The following VPS8 variants were observed in gnomAD, a reference collection of about 807,000 sequenced individuals.
The protein encoded by VPS8 is VPS8 subunit of CORVET complex.
VPS8 carries 129 observed loss-of-function variants against 216.4 expected under a neutral mutation model. That is an observed-to-expected ratio of 0.60 (90% CI 0.52 to 0.69). VPS8 has a LOEUF of 0.69. Among genes scored for constraint, VPS8 ranks in the 30% least tolerant of loss-of-function variants. The probability of loss-of-function intolerance (pLI) is 0.00; values close to 1 mark genes in which losing one functional copy is unlikely to be tolerated. For synonymous variants in VPS8, 571 were observed against 565.4 expected, an observed-to-expected ratio of 1.01 and a Z score of -0.14; for missense variants, 1,531 against 1,683.5, an observed-to-expected ratio of 0.91 and a Z score of 1.59.
At chr3:184,868,828 A>G (rs1384533890) in intron 18 of VPS8, 118 bp from the exon 19 acceptor site, 1 of 744,878 alleles carries the variant, frequency 1.3e-6, no homozygotes, top group African/African-American at 1.8e-5. Context: ...TCACATAATT[A>G]TTAAAATAAT....
chr3:184,848,332 A>T (rs749489334), intron 8 of VPS8, among the ~76,000 whole-genome samples: 6 of 152,316 alleles, frequency 3.9e-5, no homozygotes, highest in Non-Finnish European at 8.8e-5. Context: ...ATATAAATGT[A>T]AATTTCAGCC....
intron 47 of VPS8, among the ~76,000 whole-genome samples, chr3:185,050,211 G>A (rs11918440): frequency 0.48 from 72,136 of 150,300 alleles, 17,536 homozygotes; most frequent in East Asian, 0.67. Context: ...GGCTCATTCT[G>A]TTCAAGGCAT....
At chr3:184,964,242 T>A (rs1747012827) in intron 37 of VPS8, among the ~76,000 whole-genome samples, 1 of 152,058 alleles carries the variant, frequency 6.6e-6, no homozygotes, top group South Asian at 2.1e-4. Flanking sequence ...AACATTTTTT[T>A]AAAATAAATA....
At chr3:185,028,948 A>G (rs1757749517) in intron 46 of VPS8, among the ~76,000 whole-genome samples, 1 of 152,216 alleles carries the variant, frequency 6.6e-6, no homozygotes, top group Non-Finnish European at 1.5e-5. Context: ...GTGGTTTATG[A>G]GAAGTGAGGG....
intron 37 of VPS8, 80 bp downstream of exon 37, chr3:184,957,601 A>G: frequency 7.0e-7 from 1 of 1,419,866 alleles, no homozygotes; most frequent in Non-Finnish European, 9.4e-7. Context: ...AGACAAGGGG[A>G]AAAAATATAT....
chr3:184,827,482 C>CT lies in VPS8; in HGVS notation c.222+1254dup, dbSNP rs544097068. 1.1e-4 allele frequency among the ~76,000 whole-genome samples: 16 copies of CT among 152,278 alleles called. No homozygotes were observed. The East Asian group carries it at 3.1e-3, about 29-fold the overall frequency. Reference sequence around the variant, plus strand: ...ATTTACTTTCTAATATAGAGGAAATCTTTCATTTAGAGGTGAGAAGATTAA... The same window carrying CT: ...ATTTACTTTCTAATATAGAGGAAATCTTTTCATTTAGAGGTGAGAAGATTAA... On this transcript the variant is annotated intron_variant, in intron 3 of 47. Coordinates refer to ENST00000625842, the MANE Select transcript of VPS8 (RefSeq NM_001009921.3).
chr3:185,038,790 C>G (rs11926671), intron 46 of VPS8, among the ~76,000 whole-genome samples: 14,835 of 152,188 alleles, frequency 0.097, 1,716 homozygotes, highest in African/African-American at 0.28. Context: ...GTTGGAAGCA[C>G]GGAGGGGCAG....
intron 34 of VPS8, among the ~76,000 whole-genome samples, chr3:184,932,575 TCA>T (rs1427701278): frequency 6.6e-6 from 1 of 152,322 alleles, no homozygotes. Flanking sequence ...TCTTTTCTGA[TCA>T]CAGTTCTTTC....
chr3:185,048,606 T>G, intron 47 of VPS8, 47 bp downstream of exon 47: 2 of 1,601,786 alleles, frequency 1.2e-6, no homozygotes, highest in East Asian at 4.5e-5. Flanking sequence ...TATTTATAGT[T>G]TACTGCTTTA....
rs1469583578 is a variant in VPS8, at chr3:184,841,790, C to T, written c.536-1450C>T. On this transcript the variant is annotated intron_variant, in intron 7 of 47. Coordinates refer to ENST00000625842, the MANE Select transcript of VPS8 (RefSeq NM_001009921.3). ...TCCCCTTATTTTACATCTGAGGCTG[C>T]TGAGGATCAGAGAGGTTAAGTGAGA... Among the ~76,000 whole-genome samples, 4 of 152,122 alleles carry T rather than the reference C, an allele frequency of 2.6e-5. No individual in the cohort carries two copies. In the East Asian group the frequency reaches 7.7e-4, roughly 29 times the overall value.
At position 184,860,065 on chromosome 3, in the gene VPS8, C is replaced by T. The variant is rs752876248; in HGVS notation, c.1224C>T (p.Thr408=). ...TATACTATGACCTCATCAACTTTACCGTGAGTATTATTCAAATTAAATATC... is the reference window on the plus strand; with the variant it reads ...TATACTATGACCTCATCAACTTTACTGTGAGTATTATTCAAATTAAATATC... ...LHLYYDLINF[T]WINSRTVVLL... Residue 408 remains threonine, a splice_region_variant and synonymous_variant, in exon 15 of 48, where the codon ACC becomes ACT. Transcript: ENST00000625842. 8.1e-6 allele frequency: 13 copies of T among 1,603,648 alleles called. No individual in the cohort carries two copies. Among genetic ancestry groups the T allele is most frequent in the East Asian group, 6.7e-5 (3 of 44,736 alleles).
rs1720704283 is a variant in VPS8, at chr3:184,834,728, A to G, written c.433A>G (p.Ile145Val). 5 of 1,560,828 alleles carry G rather than the reference A, an allele frequency of 3.2e-6. No individual in the cohort carries two copies. Among genetic ancestry groups the G allele is most frequent in the East Asian group, 2.4e-5 (1 of 42,256 alleles). The change falls in exon 5 of 48, where the codon ATA (isoleucine) becomes GTA (valine). Residue 145 changes from isoleucine (I) to valine (V), a missense_variant. This residue lies in a region of VPS8 where 199 missense variants were observed against 182.2 expected (regional missense o/e 1.09). Transcript: ENST00000625842. ...ACTTTTGAAGGGAATTTCTGCCCAG[A>G]TAGTGTCTGCAGCTGTAAGTATTTT... is the stretch of plus-strand genomic sequence containing the variant. ...HSLLKGISAQ[I>V]VSAADKVDAG...
chr3:184,994,030 C>G lies in VPS8; in HGVS notation c.3633C>G (p.Ile1211Met). ...KGKLGEIQGLILGMLDTFNYE... is the reference protein window; with the variant it reads ...KGKLGEIQGLMLGMLDTFNYE... ...AACTTGGAGAAATCCAGGGACTTAT[C>G]TTGGGAATGTTAGATACCTTTAACT... is the stretch of plus-strand genomic sequence containing the variant. The change falls in exon 43 of 48, where the codon ATC (isoleucine) becomes ATG (methionine). Residue 1211 changes from isoleucine (I) to methionine (M), a missense_variant. Coordinates refer to ENST00000625842, the MANE Select transcript of VPS8 (RefSeq NM_001009921.3). 1 of 1,569,816 alleles carries G rather than the reference C, an allele frequency of 6.4e-7. No homozygotes were observed. The highest frequency in any genetic ancestry group is 8.6e-7 in the Non-Finnish European group (1 of 1,157,936).
chr3:185,002,617 C>G (rs1354553877), intron 45 of VPS8, among the ~76,000 whole-genome samples: 1 of 152,146 alleles, frequency 6.6e-6, no homozygotes, highest in Non-Finnish European at 1.5e-5. Context: ...CTTCCCCCCT[C>G]CCTGAGTCCC....
At chr3:185,031,115 A>G (rs1434790571) in intron 46 of VPS8, among the ~76,000 whole-genome samples, 1 of 117,902 alleles carries the variant, frequency 8.5e-6, no homozygotes, top group Non-Finnish European at 1.7e-5. Context: ...TCACAAAGCC[A>G]CTGTTTCCAT....
intron 7 of VPS8, among the ~76,000 whole-genome samples, chr3:184,842,581 T>C (rs1722391835): frequency 6.6e-6 from 1 of 152,224 alleles, no homozygotes; most frequent in Non-Finnish European, 1.5e-5. Flanking sequence ...GATTAAAATA[T>C]GCTTGAAAGC....
intron 6 of VPS8, 157 bp from the exon 7 acceptor site, chr3:184,839,541 C>G: frequency 1.5e-6 from 1 of 647,264 alleles, no homozygotes; most frequent in Non-Finnish European, 2.5e-6. Context: ...TCCTGAGTTT[C>G]ATTTCCCGTT....
At chr3:184,932,210 A>G (rs2109251696) in intron 34 of VPS8, among the ~76,000 whole-genome samples, 1 of 152,270 alleles carries the variant, frequency 6.6e-6, no homozygotes, top group East Asian at 1.9e-4. Context: ...AAGTTTTCTG[A>G]CAAGATACAC....
chr3:184,890,745 A>T (rs74913365), intron 22 of VPS8, among the ~76,000 whole-genome samples: 2,839 of 152,234 alleles, frequency 0.019, 97 homozygotes, highest in African/African-American at 0.065. Context: ...TTTCTTGGTT[A>T]AAATTTGGCA....
Sources: gnomAD v4.1 joint callset for allele counts (sites outside exome capture counted in the v4.1 genomes callset) on GRCh38, gnomAD v4.1.1 for gene constraint, gnomAD v4.1.1 regional missense constraint, MANE v1.5 for transcripts, NCBI Gene and HGNC (gene_info 2026-07-23, HGNC 2026-07-21) for gene names.